The following PLCB2 variants were observed in gnomAD, a reference collection of about 807,000 sequenced individuals.
The protein encoded by PLCB2 is phospholipase C beta 2.
PLCB2 carries 115 observed loss-of-function variants against 141.7 expected under a neutral mutation model. The observed-to-expected ratio is 0.81, with a 90% CI of 0.70 to 0.95. PLCB2 has a LOEUF of 0.95. Among genes scored for constraint, PLCB2 ranks in the 40% least tolerant of loss-of-function variants. PLCB2 has a pLI of 0.00. For synonymous variants in PLCB2, 603 were observed against 595.6 expected (o/e 1.01, Z -0.18); for missense variants, 1,403 against 1,541.1 (o/e 0.91, Z 1.50).
rs764130190 is a variant in PLCB2 at position 40,294,278 on chromosome 15, G to A, written c.2049C>T (p.Thr683=). The A allele has an allele frequency of 3.7e-6, 6 of 1,613,838 alleles. No homozygotes were observed. Among genetic ancestry groups the A allele is most frequent in the Non-Finnish European group, 5.1e-6 (6 of 1,180,008 alleles). Residue 683 remains threonine, a synonymous_variant, in exon 19 of 32, where the codon ACC becomes ACT. Transcript: ENST00000260402. ...VDRIDVVVAT[T]LSITVISGQF... is the part of the protein sequence containing the mutation. Reference sequence around the variant, plus strand: ...CCCAGGGCCTTGCCGTAATGGAAAGGGTGGTGGCCACCACCACGTCGATGC... The same window carrying A: ...CCCAGGGCCTTGCCGTAATGGAAAGAGTGGTGGCCACCACCACGTCGATGC...
At position 40,291,636 on chromosome 15, in the gene PLCB2, C is replaced by T; in HGVS notation, c.2617G>A (p.Ala873Thr). The T allele has an allele frequency of 6.2e-7, 1 of 1,613,188 alleles. No individual in the cohort carries two copies. Among genetic ancestry groups the T allele is most frequent in the Non-Finnish European group, 8.5e-7 (1 of 1,179,854 alleles). ...SNGSPAARAG[A>T]REEAMKEAAE... Reference sequence around the variant, plus strand: ...GCTTCTTTCATAGCCTCTTCCCTGGCCCCGGCCCTGGCTGCTGCAAGAGCC... The same window carrying T: ...GCTTCTTTCATAGCCTCTTCCCTGGTCCCGGCCCTGGCTGCTGCAAGAGCC... Residue 873 changes from alanine (A) to threonine (T), a missense_variant, in exon 25 of 32, where the codon GCC becomes ACC. Around this residue, in one of 4 missense-constraint regions of PLCB2, gnomAD observed 975 missense variants for 1,141.1 expected, o/e 0.85. Coordinates refer to ENST00000260402, the MANE Select transcript of PLCB2 (RefSeq NM_004573.3).
At chr15:40,301,250 G>A (rs1216609672) in intron 7 of PLCB2, 3 of 335,146 alleles carry the variant, frequency 9.0e-6, no homozygotes, top group Non-Finnish European at 1.6e-5. Context: ...CTTACCAGGA[G>A]AAAATACTCC....
rs1367208814 is a variant in PLCB2 at position 40,303,918 on chromosome 15, C to T, written c.162+83G>A. 3 of 974,994 alleles carry T rather than the reference C, an allele frequency of 3.1e-6. No homozygotes were observed. The African/African-American group carries it at 4.8e-5, about 16-fold the overall frequency. 60.4% of individuals were successfully genotyped at this position (974,994 alleles called of 1,614,324 possible). On this transcript the variant is annotated intron_variant, in intron 2 of 31. Transcript: ENST00000260402. ...ATTCTGTACTCCCCAGCATCCATGC[C>T]TCCACCTTGGTGCAGCCAGGGGGCT...
intron 1 of PLCB2, 77 bp from the exon 2 acceptor site, chr15:40,304,155 G>T: frequency 1.0e-6 from 1 of 958,158 alleles, no homozygotes; most frequent in Non-Finnish European, 1.6e-6. Context: ...GGGTTTCAGA[G>T]CTCATTATCT....
intron 1 of PLCB2, among the ~76,000 whole-genome samples, chr15:40,306,828 G>A (rs1306509029): frequency 6.6e-6 from 1 of 152,206 alleles, no homozygotes; most frequent in African/African-American, 2.4e-5. Flanking sequence ...CCCTGAAGGA[G>A]AATCTCCATA....
At chr15:40,284,702 C>T (rs531707453), downstream of PLCB2, among the ~76,000 whole-genome samples, 3 of 151,880 alleles carry the variant, frequency 2.0e-5, no homozygotes, top group South Asian at 4.1e-4. Context: ...TAGCTGGGCG[C>T]GGTGGCACGC....
At chr15:40,284,638 G>A (rs2039583429), downstream of PLCB2, 5 of 446,928 alleles carry the variant, frequency 1.1e-5, 1 homozygote, top group South Asian at 4.7e-5. Flanking sequence ...TCAAGGGATC[G>A]AGACCATCCT....
chr15:40,291,553 C>T, intron 25 of PLCB2, 53 bp downstream of exon 25: 2 of 1,609,934 alleles, frequency 1.2e-6, no homozygotes, highest in Non-Finnish European at 8.5e-7. Context: ...CCCAAGGAGC[C>T]CCGGACCCGC....
chr15:40,285,688 T>C, downstream of PLCB2: 1 of 985,424 alleles, frequency 1.0e-6, no homozygotes, highest in South Asian at 4.7e-5. Context: ...CAACTTCTCT[T>C]TTCAGCACTG....
intron 1 of PLCB2, 65 bp from the exon 2 acceptor site, chr15:40,304,143 A>G (rs1056478111): frequency 7.2e-6 from 8 of 1,112,702 alleles, no homozygotes; most frequent in Non-Finnish European, 1.1e-5. Context: ...GGTCCAGGCC[A>G]GGGGTTTCAG....
At chr15:40,294,154 A>G (rs2040076887) in intron 19 of PLCB2, 112 bp downstream of exon 19, 1 of 1,094,188 alleles carries the variant, frequency 9.1e-7, no homozygotes, top group Admixed American at 2.0e-5. Flanking sequence ...GCTGGGGCTG[A>G]AGTTTCCAGG....
downstream of PLCB2, among the ~76,000 whole-genome samples, chr15:40,285,236 TTTCTC>T (rs1183982504): frequency 6.6e-6 from 1 of 152,222 alleles, no homozygotes; most frequent in Non-Finnish European, 1.5e-5. Flanking sequence ...AAGCCCCCCT[TTTCTC>T]TTTTTGCATT....
At chr15:40,284,424 C>G, downstream of PLCB2, 2 of 428,596 alleles carry the variant, frequency 4.7e-6, no homozygotes, top group Non-Finnish European at 9.4e-6. Context: ...CTGAATTCTT[C>G]TGCTAAATAC....
rs1418925837 is a variant in PLCB2, at chr15:40,291,500, G to A, written c.2648-13C>T. 6.3e-7 allele frequency: 1 copy of A among 1,591,124 alleles called. No homozygotes were observed. The highest frequency in any genetic ancestry group is 8.5e-7 in the Non-Finnish European group (1 of 1,172,524). ...GCGGTCCGCGGCTCTGCGGAGGCCC[G>A]GGTGAGGCGCAACACCGGCCAGGCC... is the stretch of plus-strand genomic sequence containing the variant. On this transcript the variant is annotated splice_polypyrimidine_tract_variant and intron_variant, in intron 25 of 31. Coordinates refer to ENST00000260402, the MANE Select transcript of PLCB2 (RefSeq NM_004573.3).
At chr15:40,304,253 G>A (rs2040681608) in intron 1 of PLCB2, among the ~76,000 whole-genome samples, 175 bp from the exon 2 acceptor site, 1 of 152,150 alleles carries the variant, frequency 6.6e-6, no homozygotes, top group South Asian at 2.1e-4. Context: ...GATTGGGGAT[G>A]CCATTTCTGG....
chr15:40,288,623 A>G lies in PLCB2; in HGVS notation c.*92T>C, dbSNP rs1185443896. 7.0e-6 allele frequency: 10 copies of G among 1,430,854 alleles called. No homozygotes were observed. The highest frequency in any genetic ancestry group is 2.8e-5 in the Admixed American group (1 of 35,420). The allele number at this position is 1,430,854 out of a possible 1,614,324, so 88.6% of individuals were successfully genotyped here. On this transcript the variant is annotated 3_prime_UTR_variant, in exon 32 of 32. Transcript: ENST00000260402. ...CAGCCACAGGTTCCCACAGCCTCAG[A>G]AGGCTGGGGCTCCTTTTTCCTGGGG...
rs1480934838 is a variant in PLCB2 at position 40,292,910 on chromosome 15, G to A, written c.2326+16C>T. 3.3e-6 allele frequency: 5 copies of A among 1,530,438 alleles called. No homozygotes were observed. The highest frequency in any genetic ancestry group is 3.6e-6 in the Non-Finnish European group (4 of 1,114,920). The allele number at this position is 1,530,438 out of a possible 1,614,324, so 94.8% of individuals were successfully genotyped here. ...CTGCTGCTGATCTTGGAACAGTGAAGGACCCCACTCCTTACCAGAATTTAG... is the reference window on the plus strand; with the variant it reads ...CTGCTGCTGATCTTGGAACAGTGAAAGACCCCACTCCTTACCAGAATTTAG... On this transcript the variant is annotated intron_variant, in intron 21 of 31. Coordinates refer to ENST00000260402, the MANE Select transcript of PLCB2 (RefSeq NM_004573.3).
intron 31 of PLCB2, 53 bp from the exon 32 acceptor site, chr15:40,288,971 C>A: frequency 6.3e-7 from 1 of 1,594,828 alleles, no homozygotes. Flanking sequence ...TGCTGGCCAC[C>A]CTCGCTCCCT....
At chr15:40,304,860 CT>C (rs2040713088) in intron 1 of PLCB2, among the ~76,000 whole-genome samples, 1 of 152,160 alleles carries the variant, frequency 6.6e-6, no homozygotes, top group Non-Finnish European at 1.5e-5. Flanking sequence ...CATAGGCTAC[CT>C]TTTAGTTTAA....
Sources: gnomAD v4.1 joint callset for allele counts (sites outside exome capture counted in the v4.1 genomes callset) on GRCh38, gnomAD v4.1.1 for gene constraint, gnomAD v4.1.1 regional missense constraint, MANE v1.5 for transcripts, NCBI Gene and HGNC (gene_info 2026-07-23, HGNC 2026-07-21) for gene names.